POLA1: variants seen among roughly 807,000 people sequenced by gnomAD.
POLA1 encodes the protein DNA polymerase alpha catalytic subunit.
In POLA1, 15 loss-of-function variants were observed where a neutral mutation model predicts 124.0. The observed-to-expected ratio is 0.12, with a 90% CI of 0.08 to 0.19. The LOEUF is 0.19. Ranked by LOEUF, POLA1 falls within the 10% of genes least tolerant of loss-of-function variation. The pLI is 1.00. For missense variants in POLA1, 886 were observed against 1,103.4 expected, an observed-to-expected ratio of 0.80 and a Z score of 2.79; for synonymous variants, 408 against 389.4, an observed-to-expected ratio of 1.05 and a Z score of -0.56.
chrX:24,982,333 G>A (rs943692205), intron 36 of POLA1, among the ~76,000 whole-genome samples: 4 of 110,976 alleles, frequency 3.6e-5, no homozygotes, highest in Non-Finnish European at 7.5e-5. Flanking sequence ...AAAACTCTTT[G>A]TCAGAGGTCA....
intron 35 of POLA1, among the ~76,000 whole-genome samples, chrX:24,909,378 T>G (rs1214920243): frequency 9.8e-5 from 11 of 112,236 alleles, no homozygotes; most frequent in African/African-American, 3.6e-4. Context: ...GGTCTAACAT[T>G]TAAGTCTTTA....
chrX:24,756,633 A>G (rs1932623629), intron 26 of POLA1, among the ~76,000 whole-genome samples: 1 of 110,954 alleles, frequency 9.0e-6, no homozygotes, highest in African/African-American at 3.3e-5. Flanking sequence ...ACCCAAGTAG[A>G]GTAAAGGGGA....
At chrX:24,742,739 G>A (rs972362809) in intron 22 of POLA1, among the ~76,000 whole-genome samples, 4 of 111,737 alleles carry the variant, frequency 3.6e-5, no homozygotes, top group African/African-American at 1.3e-4. Context: ...GGTATTGAAT[G>A]TTGGCCAGTA....
At chrX:24,889,366 G>C (rs1249696579) in intron 35 of POLA1, among the ~76,000 whole-genome samples, 2 of 112,136 alleles carry the variant, frequency 1.8e-5, no homozygotes, top group African/African-American at 6.5e-5. Flanking sequence ...CAGGTTCTTT[G>C]AGCAAAGAGG....
rs1028289252 is a variant in POLA1, at chrX:24,931,277, C to G, written c.4261+728C>G. ...ATTTATACATTTTTCTTATTAGTTA[C>G]CTACAGAGTGTTTATGTTGTTTGTC... On this transcript the variant is annotated intron_variant, in intron 36 of 36. Transcript: ENST00000379068. Among the ~76,000 whole-genome samples, 5 of 110,816 alleles carry G rather than the reference C, an allele frequency of 4.5e-5. No individual in the cohort carries two copies. The South Asian group carries it at 1.9e-3, about 43-fold the overall frequency.
At chrX:24,897,740 A>G (rs1239274236) in intron 35 of POLA1, among the ~76,000 whole-genome samples, 2 of 111,741 alleles carry the variant, frequency 1.8e-5, no homozygotes, top group Non-Finnish European at 3.8e-5. Context: ...CTCCCTTCTT[A>G]GATCCTTCTT....
At chrX:24,804,488 A>G (rs2045767748) in intron 26 of POLA1, among the ~76,000 whole-genome samples, 1 of 111,526 alleles carries the variant, frequency 9.0e-6, no homozygotes, top group African/African-American at 3.3e-5. Context: ...ATTTTATATC[A>G]TCGGTAATGG....
At chrX:24,892,070 TAGA>T (rs1238077246) in intron 35 of POLA1, among the ~76,000 whole-genome samples, 2 of 111,299 alleles carry the variant, frequency 1.8e-5, no homozygotes, top group African/African-American at 6.5e-5. Context: ...TTGCCAGAGT[TAGA>T]AGAAGAAAGC....
rs761505212 is a variant in POLA1, at chrX:24,815,020, C to T, written c.3338C>T (p.Thr1113Ile). The change falls in exon 30 of 37, where the codon ACT becomes ATT. Residue 1113 changes from threonine to isoleucine, a missense_variant. Thr to Ile is a moderately conservative substitution (Grantham distance 89, BLOSUM62 -1). Transcript: ENST00000379068. The stretch of plus-strand genomic sequence containing the variant: ...ATTCTTTCTGATCAAAGCCGGGACA[C>T]TATAGTGGAAAACATTCAGAAGAGG... Reference protein sequence around the residue: ...GQILSDQSRDTIVENIQKRLI... With the variant: ...GQILSDQSRDIIVENIQKRLI... The T allele has an allele frequency of 4.2e-6, 5 of 1,182,891 alleles. No homozygotes were observed. The highest frequency in any genetic ancestry group is 5.7e-6 in the Non-Finnish European group (5 of 876,413).
rs761174864 is a variant in POLA1, at chrX:24,809,481, A to G, written c.2965-417A>G. On this transcript the variant is annotated intron_variant, in intron 26 of 36. Coordinates refer to ENST00000379068, the MANE Select transcript of POLA1 (RefSeq NM_001330360.2). ...TCTTTCTTCAATGAATTTAGTCTAG[A>G]GAAGAATTTTAAATGTAGTGTGCTT... is the stretch of plus-strand genomic sequence containing the variant. Among the ~76,000 whole-genome samples, 10 of 111,807 alleles carry G rather than the reference A, an allele frequency of 8.9e-5. No homozygotes were observed. The East Asian group carries it at 2.2e-3, about 25-fold the overall frequency.
chrX:24,871,862 T>G (rs2046869888), intron 34 of POLA1, among the ~76,000 whole-genome samples: 1 of 112,284 alleles, frequency 8.9e-6, no homozygotes, highest in African/African-American at 3.2e-5. Context: ...TTTTAATATT[T>G]AGTCAACCAT....
At chrX:24,992,550 A>G (rs2048546428) in intron 36 of POLA1, among the ~76,000 whole-genome samples, 1 of 112,743 alleles carries the variant, frequency 8.9e-6, no homozygotes, top group African/African-American at 3.2e-5. Context: ...TTCAGAACAG[A>G]GACGGCTGCT....
At chrX:24,770,672 C>A (rs2045012077) in intron 26 of POLA1, among the ~76,000 whole-genome samples, 1 of 111,171 alleles carries the variant, frequency 9.0e-6, no homozygotes, top group African/African-American at 3.3e-5. Context: ...TCAGGCTGTA[C>A]CTTTCCTTAC....
intron 15 of POLA1, among the ~76,000 whole-genome samples, chrX:24,731,542 T>C (rs753814003): frequency 2.7e-5 from 3 of 111,992 alleles, no homozygotes; most frequent in African/African-American, 9.7e-5. Flanking sequence ...GTGGTGGTGG[T>C]TGTCAGCTGG....
intron 18 of POLA1, 66 bp downstream of exon 18, chrX:24,735,554 T>C: frequency 1.6e-6 from 1 of 639,227 alleles, no homozygotes; most frequent in Non-Finnish European, 2.6e-6. Flanking sequence ...AGTGTGACTT[T>C]ATTGGTGCTT....
intron 34 of POLA1, among the ~76,000 whole-genome samples, chrX:24,885,690 A>G (rs764623954): frequency 9.0e-6 from 1 of 110,818 alleles, no homozygotes; most frequent in South Asian, 3.8e-4. Flanking sequence ...ACACTCGGCT[A>G]TTTTTTTGTA....
At chrX:24,938,157 T>C (rs1317638575) in intron 36 of POLA1, among the ~76,000 whole-genome samples, 2 of 112,659 alleles carry the variant, frequency 1.8e-5, no homozygotes, top group African/African-American at 6.4e-5. Context: ...CTCACGCCTG[T>C]AATCCCAGCA....
intron 36 of POLA1, among the ~76,000 whole-genome samples, chrX:24,935,708 T>C (rs781070803): frequency 8.9e-6 from 1 of 112,183 alleles, no homozygotes; most frequent in Admixed American, 9.4e-5. Flanking sequence ...GGCCTGGTGG[T>C]AACATCTGTA....
In POLA1 at chrX:24,935,647, TC is replaced by T. The variant is rs751544212; in HGVS notation, c.4261+5100del. On this transcript the variant is annotated intron_variant, in intron 36 of 36. Coordinates refer to ENST00000379068, the MANE Select transcript of POLA1 (RefSeq NM_001330360.2). ...TCATATGCTTTCTTTTCTTTTTTTTTCCTTAAACTTTTCAGTCTCTTGTCAT... is the reference window on the plus strand; with the variant it reads ...TCATATGCTTTCTTTTCTTTTTTTTTCTTAAACTTTTCAGTCTCTTGTCAT... 1.3e-4 allele frequency among the ~76,000 whole-genome samples: 15 copies of T among 112,848 alleles called. 1 individual carries two copies. In the East Asian group the frequency reaches 3.9e-3, roughly 29 times the overall value.
Sources: allele counts gnomAD v4.1 joint callset (sites outside exome capture counted in the v4.1 genomes callset), GRCh38; gene constraint gnomAD v4.1.1; transcripts MANE v1.5; gene names NCBI Gene and HGNC (gene_info 2026-07-23, HGNC 2026-07-21).